Variants in NID1 observed in about 807,000 individuals in gnomAD.
NID1 encodes the protein nidogen 1.
Under a neutral mutation model 130.6 loss-of-function variants are expected in NID1, and 76 were observed. The observed-to-expected ratio is 0.58, with a 90% CI of 0.48 to 0.70. The LOEUF is 0.70. NID1 is among the 30% of genes least tolerant of loss of function. The pLI is 0.00. For synonymous variants in NID1, 665 were observed against 675.1 expected (o/e 0.98, Z 0.23); for missense variants, 1,517 against 1,664.8 (o/e 0.91, Z 1.54).
At chr1:236,062,542 G>C (rs564336013) in intron 1 of NID1, among the ~76,000 whole-genome samples, 1 of 150,806 alleles carries the variant, frequency 6.6e-6, no homozygotes, top group Admixed American at 6.6e-5. Flanking sequence ...GCTGAGGCAG[G>C]AGAATCTCTT....
At chr1:235,999,999 A>C (rs4660143) in intron 12 of NID1, among the ~76,000 whole-genome samples, 65,630 of 151,860 alleles carry the variant, frequency 0.43, 15,015 homozygotes, top group Non-Finnish European at 0.52. Context: ...GGATCACTTG[A>C]GGTCAGGAGT....
chr1:236,007,099 C>G (rs942696171), intron 12 of NID1, among the ~76,000 whole-genome samples: 17 of 152,222 alleles, frequency 1.1e-4, no homozygotes, highest in African/African-American at 3.6e-4. Context: ...TCATAGCTCA[C>G]TGCAGCCTTG....
At chr1:236,010,255 T>A (rs760166060) in intron 12 of NID1, among the ~76,000 whole-genome samples, 19 of 151,412 alleles carry the variant, frequency 1.3e-4, no homozygotes, top group Non-Finnish European at 2.2e-4. Flanking sequence ...AAGCCAGGAG[T>A]CAGCAACTTT....
Position 235,993,849 on chromosome 1 carries a change from G to A in NID1, c.2551C>T (p.His851Tyr). ...GCCCCGAGAATGTGTTCTCGCTCGT[G>A]CTGGCACCGGGTTTTCTCCACCTCT... ...PGEVEKTRCQ[H>Y]EREHILGAAG... The change falls in exon 13 of 20, where the codon CAC becomes TAC. Residue 851 changes from histidine to tyrosine, a missense_variant. Coordinates refer to ENST00000264187, the MANE Select transcript of NID1 (RefSeq NM_002508.3). The A allele has an allele frequency of 1.2e-6, 2 of 1,613,096 alleles. No individual in the cohort carries two copies. The highest frequency in any genetic ancestry group is 1.7e-6 in the Non-Finnish European group (2 of 1,179,156).
At chr1:235,994,430 G>A (rs1657862482) in intron 12 of NID1, among the ~76,000 whole-genome samples, 1 of 152,224 alleles carries the variant, frequency 6.6e-6, no homozygotes, top group Non-Finnish European at 1.5e-5. Flanking sequence ...CCAAAGTGCT[G>A]GGATTACAGG....
intron 12 of NID1, among the ~76,000 whole-genome samples, chr1:236,006,059 G>C (rs1658239653): frequency 6.6e-6 from 1 of 152,128 alleles, no homozygotes; most frequent in African/African-American, 2.4e-5. Flanking sequence ...TCTCTTGGGA[G>C]ACTGACTGTC....
At chr1:235,989,263 C>T (rs1657659616) in intron 14 of NID1, among the ~76,000 whole-genome samples, 3 of 151,856 alleles carry the variant, frequency 2.0e-5, no homozygotes, top group Non-Finnish European at 4.4e-5. Context: ...CTCCATGTTG[C>T]CCAGGCTGTA....
intron 1 of NID1, among the ~76,000 whole-genome samples, chr1:236,050,754 T>TG (rs1659743383): frequency 6.6e-6 from 1 of 151,862 alleles, no homozygotes; most frequent in Non-Finnish European, 1.5e-5. Flanking sequence ...CCAGTGATAG[T>TG]TTTCCTTAGA....
At chr1:236,019,924 C>T (rs1432162236) in intron 9 of NID1, among the ~76,000 whole-genome samples, 2 of 151,410 alleles carry the variant, frequency 1.3e-5, no homozygotes, top group Non-Finnish European at 2.9e-5. Flanking sequence ...GTAATTCCGG[C>T]AATCCGGGAG....
chr1:236,033,922 A>G (rs1394365183), intron 5 of NID1, among the ~76,000 whole-genome samples: 1 of 152,244 alleles, frequency 6.6e-6, no homozygotes, highest in Non-Finnish European at 1.5e-5. Flanking sequence ...AGAACATTGA[A>G]GGTTACTGTA....
At chr1:236,043,818 A>G (rs1659523995) in intron 3 of NID1, among the ~76,000 whole-genome samples, 1 of 151,884 alleles carries the variant, frequency 6.6e-6, no homozygotes, top group Non-Finnish European at 1.5e-5. Flanking sequence ...CAAAAACAAC[A>G]AAAAAAGAAA....
chr1:235,990,874 G>T lies in NID1; in HGVS notation c.2928+12C>A. On this transcript the variant is annotated intron_variant, in intron 14 of 19. Coordinates refer to ENST00000264187, the MANE Select transcript of NID1 (RefSeq NM_002508.3). Reference sequence around the variant, plus strand: ...CAGGAGCTGTCACCAGGTATAATCAGCCAGCACTCACCGGGACATGAAGGA... The same window carrying T: ...CAGGAGCTGTCACCAGGTATAATCATCCAGCACTCACCGGGACATGAAGGA... 1 of 1,613,940 alleles carries T rather than the reference G, an allele frequency of 6.2e-7. No individual in the cohort carries two copies. Among genetic ancestry groups the T allele is most frequent in the Non-Finnish European group, 8.5e-7 (1 of 1,179,876 alleles).
chr1:236,003,734 A>G (rs888342152), intron 12 of NID1, among the ~76,000 whole-genome samples: 3 of 152,072 alleles, frequency 2.0e-5, no homozygotes, highest in African/African-American at 7.2e-5. Flanking sequence ...GCCTGGCTTG[A>G]TGGCAAGCAC....
At chr1:236,025,584 T>C (rs1386061691) in intron 8 of NID1, among the ~76,000 whole-genome samples, 1 of 152,110 alleles carries the variant, frequency 6.6e-6, no homozygotes, top group Non-Finnish European at 1.5e-5. Context: ...CAAGGTTGAA[T>C]ATTAAAGGGT....
chr1:235,994,666 G>A (rs1657870161), intron 12 of NID1, among the ~76,000 whole-genome samples: 1 of 150,776 alleles, frequency 6.6e-6, no homozygotes, highest in African/African-American at 2.4e-5. Context: ...TTTTCTAAAT[G>A]TGTCATTTTT....
intron 19 of NID1, 121 bp from the exon 20 acceptor site, chr1:235,978,109 A>C (rs768523291): frequency 2.2e-5 from 27 of 1,220,212 alleles, no homozygotes; most frequent in Non-Finnish European, 3.1e-5. Context: ...CCATGCTAGG[A>C]AGGCTTCAGG....
intron 15 of NID1, among the ~76,000 whole-genome samples, chr1:235,982,187 C>T (rs1056263731): frequency 1.6e-4 from 24 of 152,194 alleles, no homozygotes; most frequent in African/African-American, 5.8e-4. Context: ...ACCTGAAGGA[C>T]CAATAGCAGT....
At chr1:235,984,668 G>A (rs1359038490) in intron 15 of NID1, among the ~76,000 whole-genome samples, 4 of 152,176 alleles carry the variant, frequency 2.6e-5, no homozygotes, top group South Asian at 2.1e-4. Context: ...TTGATGAGTC[G>A]CTGAATTAAG....
At chr1:236,016,336 A>C (rs1344637072) in intron 10 of NID1, among the ~76,000 whole-genome samples, 1 of 152,194 alleles carries the variant, frequency 6.6e-6, no homozygotes, top group African/African-American at 2.4e-5. Context: ...GCTTTGAGAC[A>C]GAGCAAAAAG....
Sources: allele counts gnomAD v4.1 joint callset (sites outside exome capture counted in the v4.1 genomes callset), GRCh38; gene constraint gnomAD v4.1.1; transcripts MANE v1.5; gene names NCBI Gene and HGNC (gene_info 2026-07-23, HGNC 2026-07-21).